CCDC57: variants seen among roughly 807,000 people sequenced by gnomAD.
CCDC57 encodes coiled-coil domain containing 57.
A neutral mutation model predicts 118.9 loss-of-function variants in CCDC57; 118 were observed. The ratio of observed to expected loss-of-function variants is 0.99; its 90% CI spans 0.86 to 1.16. The LOEUF (loss-of-function observed/expected upper bound fraction) is 1.16, where lower values mean the gene tolerates loss of function less well. Ranked by LOEUF, CCDC57 falls within the 50% of genes most tolerant of loss-of-function variation. The pLI is 0.00. For synonymous variants in CCDC57, 527 were observed against 532.9 expected (o/e 0.99, Z 0.15); for missense variants, 1,300 against 1,320.7 (o/e 0.98, Z 0.24).
exon 20 of CCDC57, chr17:82,101,798 T>C (rs1325892742): frequency 6.2e-7 from 1 of 1,604,466 alleles, no homozygotes; most frequent in African/African-American, 1.3e-5. Context: ...GCTGTCTTCA[T>C]CCCTGGGGTG....
chr17:82,193,196 T>C (rs536456976), intron 7 of CCDC57, among the ~76,000 whole-genome samples: 11 of 152,166 alleles, frequency 7.2e-5, no homozygotes, highest in Admixed American at 5.9e-4. Flanking sequence ...AGTTCTACGT[T>C]TTACAGCACT....
At position 82,119,692 on chromosome 17, in the gene CCDC57, T is replaced by TG. The variant is rs534947695; in HGVS notation, c.2899+7999dup. ...GGGGTACCCACAGGTGCACAGGGGT[T>TG]GGGGGGCACCCACAGGTGCAGACAG... is the stretch of plus-strand genomic sequence containing the variant. On this transcript the variant is annotated intron_variant, in intron 19 of 19. Coordinates refer to ENST00000665763, the Ensembl canonical transcript of CCDC57. Among the ~76,000 whole-genome samples, 38 of 150,912 alleles carry TG rather than the reference T, an allele frequency of 2.5e-4. No homozygotes were observed. The East Asian group carries it at 6.2e-3, about 25-fold the overall frequency.
rs2039765257 is a variant in CCDC57, at chr17:82,139,760, C to G, written c.2456-5566G>C. On this transcript the variant is annotated intron_variant, in intron 16 of 19. Transcript: ENST00000665763. ...GAGCCTGGGAAAAGGACTGGGCAGG[C>G]ACCATGGGCACAGGCTTCTGATGGC... 2.0e-5 allele frequency among the ~76,000 whole-genome samples: 3 copies of G among 152,184 alleles called. No homozygotes were observed. The South Asian group carries it at 6.2e-4, about 31-fold the overall frequency.
intron 11 of CCDC57, 121 bp downstream of exon 10, chr17:82,178,353 C>A: frequency 8.5e-7 from 1 of 1,175,972 alleles, no homozygotes; most frequent in Non-Finnish European, 1.2e-6. Context: ...TGCAACAGGT[C>A]ATTTAAAAAG....
intron 13 of CCDC57, 84 bp downstream of exon 12, chr17:82,171,617 A>T: frequency 6.9e-7 from 1 of 1,449,158 alleles, no homozygotes; most frequent in Non-Finnish European, 9.5e-7. Context: ...CTTGAGCTGT[A>T]TATTTGCTAT....
At chr17:82,202,278 C>CTT (rs2049085294) in intron 2 of CCDC57, among the ~76,000 whole-genome samples, 1 of 152,286 alleles carries the variant, frequency 6.6e-6, no homozygotes, top group East Asian at 1.9e-4. Context: ...ACCAGCCTGG[C>CTT]TAACATGGTG....
intron 2 of CCDC57, among the ~76,000 whole-genome samples, chr17:82,204,174 G>A (rs764161395): frequency 7.9e-5 from 12 of 152,012 alleles, no homozygotes; most frequent in Non-Finnish European, 7.4e-5. Flanking sequence ...TGCAACCCCC[G>A]CGCCCAGCAC....
intron 19 of CCDC57, chr17:82,127,475 G>A (rs1450101991): frequency 1.0e-6 from 1 of 985,294 alleles, no homozygotes; most frequent in East Asian, 1.1e-4. Context: ...ACTAGGAAAT[G>A]GCATGGTTTC....
chr17:82,148,125 AGATGGATGGATGGATG>A (rs143199335), intron 16 of CCDC57, among the ~76,000 whole-genome samples: 53 of 75,850 alleles, frequency 7.0e-4, no homozygotes, highest in Middle Eastern at 0.016. Flanking sequence ...TTGGATGGTT[AGATGGATGGATGGATG>A]GATGGATGGA....
At chr17:82,147,144 G>C (rs1275755191) in intron 16 of CCDC57, among the ~76,000 whole-genome samples, 1 of 152,130 alleles carries the variant, frequency 6.6e-6, no homozygotes, top group Non-Finnish European at 1.5e-5. Flanking sequence ...TGGATGGGTG[G>C]ATGGGTGAGT....
At chr17:82,128,512 T>C (rs1555685785) in exon 18 of CCDC57, 4 of 1,564,492 alleles carry the variant, frequency 2.6e-6, no homozygotes, top group Non-Finnish European at 3.5e-6. Context: ...TTGCAGGGCG[T>C]CAAGTCTGCT....
At chr17:82,153,844 G>A (rs2042354285) in intron 15 of CCDC57, 1 of 152,452 alleles carries the variant, frequency 6.6e-6, no homozygotes, top group Middle Eastern at 3.4e-3. Flanking sequence ...TGGACGATTC[G>A]AAGAAAATTC....
chr17:82,127,937 C>T (rs772178729), intron 18 of CCDC57, 29 bp from the exon 18 acceptor site: 11 of 1,609,298 alleles, frequency 6.8e-6, no homozygotes, highest in Non-Finnish European at 9.3e-6. Flanking sequence ...TCTTGAAAGC[C>T]ACCCTCTCCA....
At chr17:82,150,927 G>A (rs1158201325) in intron 16 of CCDC57, among the ~76,000 whole-genome samples, 10 of 64,672 alleles carry the variant, frequency 1.5e-4, no homozygotes, top group African/African-American at 2.3e-4. Flanking sequence ...CCAGAACCAG[G>A]CGCACACCCA....
intron 15 of CCDC57, chr17:82,156,912 G>A (rs1174786726): frequency 6.6e-6 from 1 of 152,316 alleles, no homozygotes; most frequent in Non-Finnish European, 1.5e-5. Context: ...GTGCCCTGGG[G>A]ATCCACGCTG....
Position 82,127,413 on chromosome 17 carries a change from G to A in CCDC57, c.2899+279C>T, listed in dbSNP as rs79613812. ...TCCATTCTAAGTCAGCCTGCGCCCGGGTGTACGGTGCTGCATTCTAAGTCA... is the reference window on the plus strand; with the variant it reads ...TCCATTCTAAGTCAGCCTGCGCCCGAGTGTACGGTGCTGCATTCTAAGTCA... On this transcript the variant is annotated intron_variant, in intron 19 of 19. Transcript: ENST00000665763. 5 of 881,590 alleles carry A rather than the reference G, an allele frequency of 5.7e-6. No homozygotes were observed. In the South Asian group the frequency reaches 2.2e-4, roughly 38 times the overall value. 54.6% of individuals were successfully genotyped at this position (881,590 alleles called of 1,614,324 possible).
intron 11 of CCDC57, among the ~76,000 whole-genome samples, chr17:82,173,402 C>T (rs540918909): frequency 6.6e-6 from 1 of 152,218 alleles, no homozygotes; most frequent in Admixed American, 6.5e-5. Context: ...ACAGAAAATA[C>T]CCAAACTGAA....
chr17:82,185,009 C>G (rs1203600486), intron 8 of CCDC57: 2 of 152,318 alleles, frequency 1.3e-5, no homozygotes, highest in Admixed American at 6.5e-5. Flanking sequence ...CCATGAGCCA[C>G]CTAATTATGA....
intron 2 of CCDC57, among the ~76,000 whole-genome samples, chr17:82,203,290 C>T (rs1319847120): frequency 6.6e-6 from 1 of 152,128 alleles, no homozygotes; most frequent in Non-Finnish European, 1.5e-5. Flanking sequence ...TCCCCAGAAG[C>T]GGGTGCCAAC....
Sources: allele counts gnomAD v4.1 joint callset (sites outside exome capture counted in the v4.1 genomes callset), GRCh38; gene constraint gnomAD v4.1.1; transcripts MANE v1.5; gene names NCBI Gene and HGNC (gene_info 2026-07-23, HGNC 2026-07-21).